Variants in EXOC4 observed in about 807,000 individuals in gnomAD.
EXOC4 encodes SEC8-like 1.
Under a neutral mutation model 107.2 loss-of-function variants are expected in EXOC4, and 71 were observed. The ratio of observed to expected loss-of-function variants is 0.66; its 90% CI spans 0.55 to 0.81. The LOEUF (loss-of-function observed/expected upper bound fraction) is 0.81. Among genes scored for constraint, EXOC4 ranks in the 30% least tolerant of loss-of-function variants. The probability of loss-of-function intolerance (pLI) is 0.00; values close to 1 mark genes in which losing one functional copy is unlikely to be tolerated. For missense variants in EXOC4, 1,108 were observed against 1,189.6 expected (o/e 0.93, Z 1.01); for synonymous variants, 456 against 441.2 (o/e 1.03, Z -0.42).
At chr7:133,556,933 C>A (rs74614978) in intron 9 of EXOC4, among the ~76,000 whole-genome samples, 3,144 of 152,202 alleles carry the variant, frequency 0.021, 77 homozygotes, top group African/African-American at 0.062. Flanking sequence ...ATCCTTTCTG[C>A]GTCCCTCTGT....
At chr7:133,610,210 A>T (rs905583921) in intron 9 of EXOC4, among the ~76,000 whole-genome samples, 4 of 152,154 alleles carry the variant, frequency 2.6e-5, no homozygotes, top group African/African-American at 7.2e-5. Flanking sequence ...TCCTGACTTA[A>T]TATTTATGGA....
intron 10 of EXOC4, among the ~76,000 whole-genome samples, chr7:133,715,261 C>T (rs988744810): frequency 6.6e-6 from 1 of 152,182 alleles, no homozygotes; most frequent in African/African-American, 2.4e-5. Context: ...AGTTCCCCTG[C>T]TTTAGCCTCC....
intron 9 of EXOC4, among the ~76,000 whole-genome samples, chr7:133,521,561 C>A (rs1584974941): frequency 1.3e-5 from 2 of 151,692 alleles, no homozygotes; most frequent in East Asian, 3.9e-4. Context: ...ATTCCCAGAG[C>A]AAAATATACT....
intron 14 of EXOC4, among the ~76,000 whole-genome samples, chr7:133,971,081 G>T (rs1801210242): frequency 6.6e-6 from 1 of 151,942 alleles, no homozygotes; most frequent in African/African-American, 2.4e-5. Context: ...AAACTCCAGA[G>T]AAATGAAATA....
At chr7:133,716,667 G>A (rs1484013245) in intron 10 of EXOC4, among the ~76,000 whole-genome samples, 1 of 152,226 alleles carries the variant, frequency 6.6e-6, no homozygotes, top group African/African-American at 2.4e-5. Flanking sequence ...CTTTGGCCGG[G>A]CACTGTGGCT....
At chr7:133,298,516 G>GT (rs1383475391) in intron 3 of EXOC4, among the ~76,000 whole-genome samples, 1 of 152,122 alleles carries the variant, frequency 6.6e-6, no homozygotes, top group Non-Finnish European at 1.5e-5. Flanking sequence ...AGAAACCTAG[G>GT]TTTTAATGCT....
At chr7:133,921,086 A>G (rs544030091) in intron 13 of EXOC4, among the ~76,000 whole-genome samples, 2 of 152,346 alleles carry the variant, frequency 1.3e-5, no homozygotes, top group East Asian at 3.9e-4. Context: ...CAGCTGCAGA[A>G]CAAGGAAAGT....
intron 10 of EXOC4, among the ~76,000 whole-genome samples, chr7:133,734,078 T>C (rs567113220): frequency 6.6e-6 from 1 of 152,346 alleles, no homozygotes; most frequent in East Asian, 1.9e-4. Flanking sequence ...CAACTCAATA[T>C]ATGGATTTTT....
intron 10 of EXOC4, among the ~76,000 whole-genome samples, chr7:133,764,423 G>A (rs879270678): frequency 9.9e-5 from 15 of 151,950 alleles, no homozygotes; most frequent in East Asian, 1.9e-4. Context: ...TTATGATGGC[G>A]TCTCTGTTGA....
At chr7:133,326,825 G>T (rs973778790) in intron 5 of EXOC4, among the ~76,000 whole-genome samples, 2 of 152,228 alleles carry the variant, frequency 1.3e-5, no homozygotes, top group Non-Finnish European at 2.9e-5. Flanking sequence ...ACAAAGGTAG[G>T]CAGGCCTCCT....
intron 9 of EXOC4, among the ~76,000 whole-genome samples, chr7:133,500,110 T>G (rs1799549694): frequency 1.3e-5 from 2 of 152,190 alleles, no homozygotes; most frequent in South Asian, 4.1e-4. Flanking sequence ...GCAAAATAAC[T>G]TGCATTTGAA....
At chr7:133,859,162 G>A (rs929274779) in intron 11 of EXOC4, among the ~76,000 whole-genome samples, 1 of 152,048 alleles carries the variant, frequency 6.6e-6, no homozygotes, top group African/African-American at 2.4e-5. Context: ...GAGGCAAATG[G>A]CACCACAGCT....
intron 5 of EXOC4, among the ~76,000 whole-genome samples, chr7:133,343,403 A>G (rs1187882442): frequency 6.6e-6 from 1 of 152,030 alleles, no homozygotes; most frequent in Non-Finnish European, 1.5e-5. Flanking sequence ...CTGGTCTCTC[A>G]GCCAGCACTT....
chr7:133,880,172 T>G (rs1018615105), intron 11 of EXOC4, among the ~76,000 whole-genome samples: 2 of 152,198 alleles, frequency 1.3e-5, no homozygotes, highest in African/African-American at 4.8e-5. Context: ...CCTTGTCTTT[T>G]ATACTCACTT....
intron 11 of EXOC4, among the ~76,000 whole-genome samples, chr7:133,855,165 A>ATTT (rs374810348): frequency 9.5e-5 from 13 of 136,640 alleles, no homozygotes; most frequent in African/African-American, 3.8e-4. Context: ...AAATATATAT[A>ATTT]TTTTTTTTAT....
At chr7:133,806,112 T>G (rs926055119) in intron 10 of EXOC4, among the ~76,000 whole-genome samples, 9 of 152,224 alleles carry the variant, frequency 5.9e-5, no homozygotes, top group African/African-American at 2.2e-4. Flanking sequence ...ACTAACATAG[T>G]GCCTACCTTT....
At chr7:133,867,609 A>C (rs895949258) in intron 11 of EXOC4, among the ~76,000 whole-genome samples, 1 of 152,212 alleles carries the variant, frequency 6.6e-6, no homozygotes, top group Non-Finnish European at 1.5e-5. Context: ...CCCACCCCCA[A>C]CCCCGTCCAG....
intron 7 of EXOC4, among the ~76,000 whole-genome samples, chr7:133,404,435 A>G (rs1002260409): frequency 1.3e-5 from 2 of 151,758 alleles, no homozygotes; most frequent in African/African-American, 2.4e-5. Flanking sequence ...GTTAAGTCCA[A>G]ATTCCTTGAC....
At chr7:133,625,332 T>C (rs768322876) in intron 9 of EXOC4, among the ~76,000 whole-genome samples, 2 of 152,212 alleles carry the variant, frequency 1.3e-5, no homozygotes, top group African/African-American at 2.4e-5. Flanking sequence ...AAAAAGTTTA[T>C]TGCAATCCTT....
Sources: gnomAD v4.1 joint callset for allele counts (sites outside exome capture counted in the v4.1 genomes callset) on GRCh38, gnomAD v4.1.1 for gene constraint, MANE v1.5 for transcripts, NCBI Gene and HGNC (gene_info 2026-07-23, HGNC 2026-07-21) for gene names.